The following PPIL2 variants were observed in gnomAD, a reference collection of about 807,000 sequenced individuals.
PPIL2 encodes RING-type E3 ubiquitin-protein ligase PPIL2.
Under a neutral mutation model 75.2 loss-of-function variants are expected in PPIL2, and 50 were observed. The observed-to-expected ratio is 0.66, with a 90% CI of 0.53 to 0.84. The LOEUF (loss-of-function observed/expected upper bound fraction) is 0.84, where lower values mean the gene tolerates loss of function less well. PPIL2 is among the 40% of genes least tolerant of loss of function. The pLI, the probability that PPIL2 is intolerant of heterozygous loss-of-function variation, is 0.00. For synonymous variants in PPIL2, 245 were observed against 258.8 expected (o/e 0.95, Z 0.51); for missense variants, 590 against 685.0 (o/e 0.86, Z 1.55).
At chr22:21,670,162 T>G in intron 2 of PPIL2, 200 bp downstream of exon 2, 1 of 924,084 alleles carries the variant, frequency 1.1e-6, no homozygotes, top group South Asian at 1.9e-5. Context: ...TTTTGTAAAA[T>G]GTAATTTAAA....
intron 1 of PPIL2, among the ~76,000 whole-genome samples, 176 bp from the exon 2 acceptor site, chr22:21,669,737 T>G (rs1348213298): frequency 6.6e-6 from 1 of 152,186 alleles, no homozygotes; most frequent in East Asian, 1.9e-4. Context: ...TGACCTCTAG[T>G]GATTCGCCTG....
At chr22:21,679,401 AC>A (rs1309031493) in intron 6 of PPIL2, among the ~76,000 whole-genome samples, 1 of 148,834 alleles carries the variant, frequency 6.7e-6, no homozygotes, top group African/African-American at 2.5e-5. Flanking sequence ...GGAGTTCAAG[AC>A]CAGCCTGGGC....
At position 21,684,267 on chromosome 22, in the gene PPIL2, C is replaced by T. The variant is rs917047469; in HGVS notation, c.554-486C>T. Among the ~76,000 whole-genome samples the T allele has an allele frequency of 2.7e-3, 216 of 80,550 alleles. 2 individuals are homozygous for T. Among genetic ancestry groups the T allele is most frequent in the African/African-American group, 0.012 (208 of 17,914 alleles). The allele number at this position is 80,550 out of a possible 152,430, so 52.8% of individuals were successfully genotyped here. A position where few individuals can be genotyped will look rare whatever the true frequency, so the allele number is the denominator to read the frequency against. The stretch of plus-strand genomic sequence containing the variant: ...CAGCACTTTGGGAGGCTGAGGCAGG[C>T]GGATCACGAGGTTACAAGATTGTAA... On this transcript the variant is annotated intron_variant, in intron 9 of 19. Coordinates refer to ENST00000398831, the MANE Select transcript of PPIL2 (RefSeq NM_014337.4).
At chr22:21,692,303 C>G (rs907891706) in intron 15 of PPIL2, among the ~76,000 whole-genome samples, 1 of 151,960 alleles carries the variant, frequency 6.6e-6, no homozygotes, top group African/African-American at 2.4e-5. Flanking sequence ...CTACAGGCGC[C>G]CGCCACACGC....
chr22:21,685,554 A>C (rs767134817), intron 10 of PPIL2: 12 of 386,384 alleles, frequency 3.1e-5, no homozygotes, highest in Non-Finnish European at 6.0e-5. Context: ...TGAAAAAGAA[A>C]GCTTGTTGTC....
At chr22:21,679,178 G>A (rs1305987457) in intron 6 of PPIL2, among the ~76,000 whole-genome samples, 1 of 152,040 alleles carries the variant, frequency 6.6e-6, no homozygotes, top group Non-Finnish European at 1.5e-5. Context: ...TTACAGGTGT[G>A]AGCCACCGCG....
At chr22:21,668,019 G>A (rs962932140) in intron 1 of PPIL2, among the ~76,000 whole-genome samples, 3 of 151,584 alleles carry the variant, frequency 2.0e-5, no homozygotes, top group Admixed American at 2.0e-4. Flanking sequence ...TCGAGTGATC[G>A]ACCTACCTCT....
At chr22:21,679,540 TGC>T (rs2067015357) in intron 6 of PPIL2, among the ~76,000 whole-genome samples, 1 of 151,958 alleles carries the variant, frequency 6.6e-6, no homozygotes, top group Non-Finnish European at 1.5e-5. Flanking sequence ...AAGTTGAGAC[TGC>T]GTGAGCTGTG....
At chr22:21,681,435 C>G (rs1232818152) in intron 7 of PPIL2, 45 bp downstream of exon 7, 19 of 1,520,106 alleles carry the variant, frequency 1.2e-5, no homozygotes, top group Admixed American at 1.7e-5. Context: ...GGGGAGATCT[C>G]TGCTGTGTGT....
At chr22:21,667,089 CCT>C (rs2066417667) in intron 1 of PPIL2, among the ~76,000 whole-genome samples, 1 of 150,814 alleles carries the variant, frequency 6.6e-6, no homozygotes, top group South Asian at 2.1e-4. Flanking sequence ...ACTTCAGCGG[CCT>C]CTCTTTTCAG....
At chr22:21,682,899 T>C (rs1647711) in intron 8 of PPIL2, among the ~76,000 whole-genome samples, 20,607 of 152,298 alleles carry the variant, frequency 0.14, 1,544 homozygotes, top group Non-Finnish European at 0.16. Context: ...TCCGGTCCGA[T>C]AGCTCCCTAA....
At chr22:21,685,552 A>C (rs2067320917) in intron 10 of PPIL2, 1 of 384,768 alleles carries the variant, frequency 2.6e-6, no homozygotes, top group Non-Finnish European at 5.0e-6. Context: ...TTTGAAAAAG[A>C]AAGCTTGTTG....
chr22:21,672,857 T>TCGGGACTCCGGTGGGC (rs1176255155), intron 5 of PPIL2, among the ~76,000 whole-genome samples: 92 of 152,076 alleles, frequency 6.0e-4, no homozygotes, highest in African/African-American at 2.1e-3. Context: ...AGACGGAGGG[T>TCGGGACTCCGGTGGGC]CGGGACTCCG....
chr22:21,696,013 C>A lies in PPIL2; in HGVS notation c.*523C>A. 3.8e-6 allele frequency: 2 copies of A among 529,044 alleles called. No homozygotes were observed. Among genetic ancestry groups the A allele is most frequent in the South Asian group, 7.0e-5 (1 of 14,206 alleles). The allele number at this position is 529,044 out of a possible 1,614,324, so 32.8% of individuals were successfully genotyped here. A position where few individuals can be genotyped will look rare whatever the true frequency, so the allele number is the denominator to read the frequency against. ...TATATGTCTGGTTTTCTTACCCCTA[C>A]TTCTGTCATCTTCTCAGGGACAGCC... is the stretch of plus-strand genomic sequence containing the variant. On this transcript the variant is annotated 3_prime_UTR_variant, in exon 20 of 20. Coordinates refer to ENST00000398831, the MANE Select transcript of PPIL2 (RefSeq NM_014337.4).
chr22:21,684,911 G>A lies in PPIL2; in HGVS notation c.712G>A (p.Ala238Thr), dbSNP rs2067292893. The change falls in exon 10 of 20, where the codon GCT becomes ACT. Residue 238 changes from alanine (A) to threonine (T), a missense_variant and splice_region_variant. Ala to Thr is a moderately conservative substitution (Grantham distance 58, BLOSUM62 0). Transcript: ENST00000398831. ...PEKKKVDKLN[A>T]AHYSTGKVSA... ...GAAGAAGAAAGTGGACAAGCTGAACGCTGTGAGTGGCGGAGGGCACTCGGC... is the reference window on the plus strand; with the variant it reads ...GAAGAAGAAAGTGGACAAGCTGAACACTGTGAGTGGCGGAGGGCACTCGGC... The A allele has an allele frequency of 1.2e-6, 2 of 1,613,700 alleles. No individual in the cohort carries two copies. Among genetic ancestry groups the A allele is most frequent in the Admixed American group, 1.7e-5 (1 of 59,992 alleles).
intron 6 of PPIL2, among the ~76,000 whole-genome samples, chr22:21,678,324 TG>T (rs1342422551): frequency 6.6e-6 from 1 of 152,116 alleles, no homozygotes; most frequent in Non-Finnish European, 1.5e-5. Flanking sequence ...CTCTGCCTCC[TG>T]GGCTCAAGAG....
rs1601562348 is a variant in PPIL2, at chr22:21,684,785, T to C, written c.586T>C (p.Tyr196His). Residue 196 changes from tyrosine (Y) to histidine (H), a missense_variant, in exon 10 of 20, where the codon TAT (tyrosine) becomes CAT (histidine). Coordinates refer to ENST00000398831, the MANE Select transcript of PPIL2 (RefSeq NM_014337.4). ...EEKAKQDPSY[Y>H]LKNTNAETRE... is the part of the protein sequence containing the mutation. ...GAAGGCCAAACAGGACCCGTCTTAT[T>C]ATCTGAAAAATACAAATGCCGAGAC... 1.2e-6 allele frequency: 2 copies of C among 1,614,078 alleles called. No individual in the cohort carries two copies. Among genetic ancestry groups the C allele is most frequent in the South Asian group, 2.2e-5 (2 of 91,082 alleles).
In PPIL2 at chr22:21,694,799, T is replaced by C. The variant is rs1337040890; in HGVS notation, c.1314T>C (p.Tyr438=). 6.2e-7 allele frequency: 1 copy of C among 1,604,416 alleles called. No individual in the cohort carries two copies. The highest frequency in any genetic ancestry group is 1.1e-5 in the South Asian group (1 of 90,186). ...IDATTVFVDP[Y]EEADAQIAQE... ...CCACTACAGTGTTCGTGGACCCCTA[T>C]GAGGAGGCCGATGCCCAGGTGAGGG... is the stretch of plus-strand genomic sequence containing the variant. Residue 438 remains tyrosine, a synonymous_variant, in exon 18 of 20, where the codon TAT becomes TAC. Coordinates refer to ENST00000398831, the MANE Select transcript of PPIL2 (RefSeq NM_014337.4).
chr22:21,674,179 C>T (rs1213231215), intron 5 of PPIL2, among the ~76,000 whole-genome samples: 1 of 152,150 alleles, frequency 6.6e-6, no homozygotes, highest in Admixed American at 6.5e-5. Flanking sequence ...GGATTGTGGC[C>T]CTGAGTGAGG....
Sources: gnomAD v4.1 joint callset for allele counts (sites outside exome capture counted in the v4.1 genomes callset) on GRCh38, gnomAD v4.1.1 for gene constraint, MANE v1.5 for transcripts, NCBI Gene and HGNC (gene_info 2026-07-23, HGNC 2026-07-21) for gene names.